TMCC1: variants seen among roughly 807,000 people sequenced by gnomAD.
TMCC1 encodes transmembrane and coiled-coil domains protein 1.
A neutral mutation model predicts 52.4 loss-of-function variants in TMCC1; 15 were observed. The observed-to-expected ratio is 0.29, with a 90% CI of 0.19 to 0.44. The LOEUF (loss-of-function observed/expected upper bound fraction) is 0.44, where lower values mean the gene tolerates loss of function less well. Ranked by LOEUF, TMCC1 falls within the 20% of genes least tolerant of loss-of-function variation. TMCC1 has a pLI of 1.00. For missense variants in TMCC1, 503 were observed against 806.0 expected, an observed-to-expected ratio of 0.62 and a Z score of 4.55; for synonymous variants, 279 against 301.9, an observed-to-expected ratio of 0.92 and a Z score of 0.79.
chr3:129,779,408 GGCA>G (rs1444260175), intron 4 of TMCC1, among the ~76,000 whole-genome samples: 1 of 152,014 alleles, frequency 6.6e-6, no homozygotes, highest in Non-Finnish European at 1.5e-5. Flanking sequence ...TTCTCCAGGT[GGCA>G]TTCTCATCAT....
chr3:129,751,566 C>A (rs2052529129), intron 4 of TMCC1, among the ~76,000 whole-genome samples: 1 of 149,928 alleles, frequency 6.7e-6, no homozygotes, highest in African/African-American at 2.4e-5. Flanking sequence ...ACAATAGTAT[C>A]TTTTTTTCCC....
chr3:129,720,586 C>T (rs1047081746), intron 4 of TMCC1, among the ~76,000 whole-genome samples: 1 of 152,286 alleles, frequency 6.6e-6, no homozygotes, highest in Non-Finnish European at 1.5e-5. Context: ...CCTGAGCCCC[C>T]CAACAACTAT....
intron 2 of TMCC1, among the ~76,000 whole-genome samples, chr3:129,850,691 G>A (rs2059878617): frequency 6.6e-6 from 1 of 152,148 alleles, no homozygotes; most frequent in Admixed American, 6.5e-5. Context: ...GGTGTGAAGT[G>A]GAAAATCAGG....
intron 4 of TMCC1, among the ~76,000 whole-genome samples, chr3:129,813,414 C>A (rs1348644917): frequency 6.6e-6 from 1 of 152,070 alleles, no homozygotes; most frequent in African/African-American, 2.4e-5. Context: ...ATCCTAAATG[C>A]CCATCAATGG....
intron 4 of TMCC1, among the ~76,000 whole-genome samples, chr3:129,745,243 CT>C (rs2051829793): frequency 6.6e-6 from 1 of 152,200 alleles, no homozygotes; most frequent in African/African-American, 2.4e-5. Flanking sequence ...TGCACTCACA[CT>C]TCTTGAAATT....
chr3:129,839,399 A>C (rs2059321853), intron 2 of TMCC1, among the ~76,000 whole-genome samples: 1 of 152,186 alleles, frequency 6.6e-6, no homozygotes, highest in Admixed American at 6.5e-5. Context: ...AAACCTTTTT[A>C]AAGAAATCTA....
chr3:129,887,127 C>T (rs1049990313), intron 1 of TMCC1, among the ~76,000 whole-genome samples: 5 of 152,028 alleles, frequency 3.3e-5, no homozygotes, highest in African/African-American at 9.7e-5. Context: ...AGTTTGGCAG[C>T]GGTGGTGGCT....
intron 2 of TMCC1, among the ~76,000 whole-genome samples, chr3:129,857,920 G>A (rs185674111): frequency 9.2e-5 from 14 of 152,284 alleles, no homozygotes; most frequent in African/African-American, 3.4e-4. Context: ...ATCCTGTGAG[G>A]TACTTGATGT....
chr3:129,852,456 C>CAAAAAAAAA (rs1015860543), intron 2 of TMCC1, among the ~76,000 whole-genome samples: 1 of 39,824 alleles, frequency 2.5e-5, no homozygotes, highest in African/African-American at 9.3e-5. Context: ...GACACCGTCT[C>CAAAAAAAAA]AAAAAAAAAA....
rs182968485 is a variant in TMCC1 at position 129,754,435 on chromosome 3, A to C, written c.576+73368T>G. Among the ~76,000 whole-genome samples the C allele has an allele frequency of 1.4e-3, 217 of 152,322 alleles. 1 individual carries two copies. Among genetic ancestry groups the C allele is most frequent in the Non-Finnish European group, 1.2e-3 (85 of 68,022 alleles). ...CAAACCATTCTGGAAAAGAAGAACA[A>C]AATTAGGGGAGTCATATGACCTGAT... On this transcript the variant is annotated intron_variant, in intron 4 of 6. Coordinates refer to ENST00000393238, the MANE Select transcript of TMCC1 (RefSeq NM_001017395.5).
intron 4 of TMCC1, among the ~76,000 whole-genome samples, chr3:129,808,768 T>C (rs1377370256): frequency 6.6e-6 from 1 of 150,488 alleles, no homozygotes; most frequent in Non-Finnish European, 1.5e-5. Context: ...GAAAGCTACA[T>C]GATCATTTTC....
At chr3:129,719,450 GA>G (rs760727728) in intron 4 of TMCC1, among the ~76,000 whole-genome samples, 16 of 152,126 alleles carry the variant, frequency 1.1e-4, no homozygotes, top group Non-Finnish European at 5.9e-5. Flanking sequence ...CAAATTAACT[GA>G]ATCCAAGGAG....
At chr3:129,831,682 A>G (rs1209017705) in intron 3 of TMCC1, among the ~76,000 whole-genome samples, 2 of 152,178 alleles carry the variant, frequency 1.3e-5, no homozygotes, top group African/African-American at 4.8e-5. Flanking sequence ...AATACCAACA[A>G]TAGTGATGTT....
chr3:129,651,864 T>C lies in TMCC1; in HGVS notation c.1648-69A>G, dbSNP rs1331859368. On this transcript the variant is annotated intron_variant, in intron 6 of 6. Transcript: ENST00000393238. This position sits in a 1 kb window ranked among gnomAD's most constrained non-coding sequence, Gnocchi z 5.1. The stretch of plus-strand genomic sequence containing the variant: ...TATTCTGAGATGCTGACATGCCCCC[T>C]GGGCAAGCCAGATGCATCTTGAGCA... 2.7e-6 allele frequency: 4 copies of C among 1,508,478 alleles called. No homozygotes were observed. The African/African-American group carries it at 5.5e-5, about 21-fold the overall frequency. 93.4% of individuals were successfully genotyped at this position (1,508,478 alleles called of 1,614,324 possible).
chr3:129,681,351 A>T (rs1015633167), intron 4 of TMCC1, among the ~76,000 whole-genome samples: 3 of 152,162 alleles, frequency 2.0e-5, no homozygotes, highest in African/African-American at 7.2e-5. Flanking sequence ...ATATTTAGGG[A>T]AAGTATAGGA....
In TMCC1 at chr3:129,823,412, A is replaced by G. The variant is rs34363780; in HGVS notation, c.576+4391T>C. Among the ~76,000 whole-genome samples, 503 of 152,324 alleles carry G rather than the reference A, an allele frequency of 3.3e-3. 3 individuals are homozygous for G. The highest frequency in any genetic ancestry group is 0.013 in the Admixed American group (193 of 15,298). On this transcript the variant is annotated intron_variant, in intron 4 of 6. Transcript: ENST00000393238. ...CCAAAGTTGATATATATACAAAGTG[A>G]GAGACACCTATTAACGCATAATGTA... is the stretch of plus-strand genomic sequence containing the variant.
At chr3:129,731,207 G>C (rs1378941335) in intron 4 of TMCC1, among the ~76,000 whole-genome samples, 2 of 152,206 alleles carry the variant, frequency 1.3e-5, no homozygotes, top group Admixed American at 1.3e-4. Context: ...CATTAGCCCA[G>C]AGAAGCAAAA....
chr3:129,659,724 A>G (rs2086899757), intron 5 of TMCC1, among the ~76,000 whole-genome samples: 3 of 152,308 alleles, frequency 2.0e-5, no homozygotes, highest in African/African-American at 7.2e-5. Flanking sequence ...GGTTCATCCC[A>G]TATTATGTCT....
intron 1 of TMCC1, among the ~76,000 whole-genome samples, chr3:129,892,964 TC>T (rs1022919700): frequency 1.2e-4 from 18 of 151,940 alleles, no homozygotes; most frequent in African/African-American, 4.1e-4. Flanking sequence ...CTACATATTC[TC>T]CCCAGTACGC....
Sources: gnomAD v4.1 joint callset for allele counts (sites outside exome capture counted in the v4.1 genomes callset) on GRCh38, gnomAD v4.1.1 for gene constraint, Gnocchi (gnomAD v3.1) non-coding constraint, MANE v1.5 for transcripts, NCBI Gene and HGNC (gene_info 2026-07-23, HGNC 2026-07-21) for gene names.